Variants in DNAJC6 observed in about 807,000 individuals in gnomAD.
DNAJC6 encodes auxilin.
Under a neutral mutation model 110.0 loss-of-function variants are expected in DNAJC6, and 34 were observed. The ratio of observed to expected loss-of-function variants is 0.31; its 90% CI spans 0.24 to 0.41. The LOEUF (loss-of-function observed/expected upper bound fraction) is 0.41. Among genes scored for constraint, DNAJC6 ranks in the 10% least tolerant of loss-of-function variants. DNAJC6 has a pLI of 1.00. For missense variants in DNAJC6, 1,031 were observed against 1,207.8 expected, an observed-to-expected ratio of 0.85 and a Z score of 2.17; for synonymous variants, 406 against 437.2, an observed-to-expected ratio of 0.93 and a Z score of 0.89.
chr1:65,401,733 A>G (rs757705741), intron 14 of DNAJC6, 28 bp from the exon 15 acceptor site: 8 of 1,594,258 alleles, frequency 5.0e-6, no homozygotes, highest in South Asian at 1.1e-5. Context: ...CAACTAACTC[A>G]TTTTCAATGA....
intron 18 of DNAJC6, among the ~76,000 whole-genome samples, chr1:65,412,545 T>C (rs1485203846): frequency 6.6e-6 from 1 of 152,186 alleles, no homozygotes; most frequent in Non-Finnish European, 1.5e-5. Flanking sequence ...CAAACTGTAT[T>C]CCCCATTATG....
intron 1 of DNAJC6, among the ~76,000 whole-genome samples, chr1:65,270,285 C>T (rs1239667136): frequency 3.3e-5 from 5 of 151,930 alleles, no homozygotes; most frequent in Admixed American, 2.6e-4. Flanking sequence ...ACAGTTGAAA[C>T]GTATATGTAT....
chr1:65,394,003 A>G (rs533717027), intron 12 of DNAJC6, among the ~76,000 whole-genome samples: 4 of 152,206 alleles, frequency 2.6e-5, no homozygotes, highest in African/African-American at 4.8e-5. Flanking sequence ...TCCTATGCCA[A>G]TGCTATTTCA....
At chr1:65,333,528 C>G (rs964507232) in intron 1 of DNAJC6, among the ~76,000 whole-genome samples, 9 of 152,018 alleles carry the variant, frequency 5.9e-5, no homozygotes, top group African/African-American at 2.2e-4. Flanking sequence ...GTGAGTTGCC[C>G]AAGGTCACAG....
chr1:65,392,081 G>T (rs904776800), intron 11 of DNAJC6, among the ~76,000 whole-genome samples: 1 of 152,092 alleles, frequency 6.6e-6, no homozygotes, highest in Admixed American at 6.6e-5. Context: ...CGGCCGTTAG[G>T]TACAATTTGT....
intron 1 of DNAJC6, among the ~76,000 whole-genome samples, chr1:65,356,152 G>A (rs1285768380): frequency 6.6e-6 from 1 of 151,836 alleles, no homozygotes; most frequent in Non-Finnish European, 1.5e-5. Flanking sequence ...AGGGGTTATT[G>A]ATTTGTTATT....
rs1351740668 is a variant in DNAJC6 at position 65,277,212 on chromosome 1, T to G, written c.-131+12280T>G. 4.6e-5 allele frequency among the ~76,000 whole-genome samples: 7 copies of G among 152,198 alleles called. No individual in the cohort carries two copies. In the South Asian group the frequency reaches 1.5e-3, roughly 32 times the overall value. ...GCCAAAAACCAAGGTAACAATGTCA[T>G]TTTAAACATGTAAATTTAATAAAGG... is the stretch of plus-strand genomic sequence containing the variant. On this transcript the variant is annotated intron_variant, in intron 1 of 19. Coordinates refer to the DNAJC6 transcript ENST00000263441.
rs115596840 is a variant in DNAJC6, at chr1:65,347,006, C to A, written c.194-17629C>A. The stretch of plus-strand genomic sequence containing the variant: ...CTACTTTATATGCAACTTTATAATA[C>A]TTCTTGGTGTGTCTAAACAGTAGAA... On this transcript the variant is annotated intron_variant, in intron 1 of 18. Coordinates refer to ENST00000371069, the MANE Select transcript of DNAJC6 (RefSeq NM_001256864.2). 3.1e-3 allele frequency among the ~76,000 whole-genome samples: 478 copies of A among 152,188 alleles called. 3 individuals carry two copies. Among genetic ancestry groups the A allele is most frequent in the African/African-American group, 0.011 (442 of 41,512 alleles).
chr1:65,411,418 C>G lies in DNAJC6; in HGVS notation c.2803C>G (p.Pro935Ala). The change falls in exon 18 of 19, where the codon CCA (proline) becomes GCA (alanine). Residue 935 changes from proline (P) to alanine (A), a missense_variant. By Grantham distance (27) the Pro-to-Ala change is conservative. Coordinates refer to ENST00000371069, the MANE Select transcript of DNAJC6 (RefSeq NM_001256864.2). ...VYRKAVLVVH[P>A]DKATGQPYEQ... Reference sequence around the variant, plus strand: ...CAGGAAGGCTGTCCTGGTGGTGCACCCAGATAAAGTGGGTATAACCTGCCC... The same window carrying G: ...CAGGAAGGCTGTCCTGGTGGTGCACGCAGATAAAGTGGGTATAACCTGCCC... The G allele has an allele frequency of 6.2e-7, 1 of 1,613,504 alleles. No homozygotes were observed.
chr1:65,396,771 G>A (rs948542167), intron 13 of DNAJC6, among the ~76,000 whole-genome samples: 1 of 152,066 alleles, frequency 6.6e-6, no homozygotes, highest in East Asian at 1.9e-4. Context: ...AGGGAATTTT[G>A]TTTTGTTCAT....
At chr1:65,340,477 A>G (rs1645379190) in intron 1 of DNAJC6, among the ~76,000 whole-genome samples, 1 of 152,206 alleles carries the variant, frequency 6.6e-6, no homozygotes, top group Admixed American at 6.5e-5. Context: ...CTACTCTGTC[A>G]AAAAGAGGTA....
intron 1 of DNAJC6, among the ~76,000 whole-genome samples, chr1:65,352,887 G>T (rs557052018): frequency 4.6e-5 from 7 of 152,280 alleles, no homozygotes; most frequent in Non-Finnish European, 2.9e-5. Context: ...GTATATGGGG[G>T]GTTGTTTGGG....
intron 1 of DNAJC6, among the ~76,000 whole-genome samples, chr1:65,355,017 A>G (rs1457471929): frequency 6.6e-6 from 1 of 152,078 alleles, no homozygotes; most frequent in East Asian, 1.9e-4. Context: ...TGGCTGACAC[A>G]TGTAATCCCA....
chr1:65,369,636 C>T (rs1645686958), intron 4 of DNAJC6, among the ~76,000 whole-genome samples: 1 of 152,052 alleles, frequency 6.6e-6, no homozygotes, highest in African/African-American at 2.4e-5. Context: ...CATCATATAC[C>T]TCTGTGCCTT....
At chr1:65,328,131 A>G (rs974970394) in intron 1 of DNAJC6, among the ~76,000 whole-genome samples, 12 of 152,254 alleles carry the variant, frequency 7.9e-5, no homozygotes, top group African/African-American at 2.9e-4. Flanking sequence ...ATATATTTGT[A>G]TTTACATAGG....
chr1:65,415,603 A>G lies in DNAJC6; in HGVS notation c.*2578A>G, dbSNP rs1194668341. ...AGGATTTTCAAAAAAACGAATCTGT[A>G]TGTTGAGGCAAAAGGATTGAACCTG... On this transcript the variant is annotated 3_prime_UTR_variant, in exon 19 of 19. Coordinates refer to ENST00000371069, the MANE Select transcript of DNAJC6 (RefSeq NM_001256864.2). The G allele has an allele frequency of 6.6e-6, 1 of 152,204 alleles. No individual in the cohort carries two copies. The highest frequency in any genetic ancestry group is 6.5e-5 in the Admixed American group (1 of 15,288). The allele number at this position is 152,204 out of a possible 1,614,324, so 9.4% of individuals were successfully genotyped here. A position where few individuals can be genotyped will look rare whatever the true frequency, so the allele number is the denominator to read the frequency against.
intron 1 of DNAJC6, among the ~76,000 whole-genome samples, chr1:65,362,889 A>C (rs1333517771): frequency 6.6e-6 from 1 of 152,242 alleles, no homozygotes; most frequent in Non-Finnish European, 1.5e-5. Context: ...ATTAACAAAC[A>C]GGTGTTTCTT....
intron 1 of DNAJC6, among the ~76,000 whole-genome samples, chr1:65,331,283 A>G (rs1645286710): frequency 6.6e-6 from 1 of 152,226 alleles, no homozygotes; most frequent in Admixed American, 6.5e-5. Context: ...AGGATCTCCC[A>G]GAAATTCTCA....
chr1:65,289,964 C>T (rs1270398501), intron 1 of DNAJC6, among the ~76,000 whole-genome samples: 3 of 152,074 alleles, frequency 2.0e-5, no homozygotes, highest in Non-Finnish European at 4.4e-5. Flanking sequence ...CGCCCACTGC[C>T]ACACCCAGCT....
Sources: gnomAD v4.1 joint callset for allele counts (sites outside exome capture counted in the v4.1 genomes callset) on GRCh38, gnomAD v4.1.1 for gene constraint, MANE v1.5 for transcripts, NCBI Gene and HGNC (gene_info 2026-07-23, HGNC 2026-07-21) for gene names.